Variants in SNTG1 observed in about 807,000 individuals in gnomAD.
The protein encoded by SNTG1 is gamma-1-syntrophin.
SNTG1 carries 39 observed loss-of-function variants against 74.7 expected under a neutral mutation model. The ratio of observed to expected loss-of-function variants is 0.52; its 90% CI spans 0.40 to 0.68. SNTG1 has a LOEUF of 0.68. Among genes scored for constraint, SNTG1 ranks in the 30% least tolerant of loss-of-function variants. The pLI, the probability that SNTG1 is intolerant of heterozygous loss-of-function variation, is 0.00. For missense variants in SNTG1, 685 were observed against 609.5 expected (o/e 1.12, Z -1.30); for synonymous variants, 254 against 217.1 (o/e 1.17, Z -1.49).
chr8:50,200,778 C>A (rs2083957363), intron 2 of SNTG1, among the ~76,000 whole-genome samples: 1 of 151,978 alleles, frequency 6.6e-6, no homozygotes. Flanking sequence ...ATGATCCATG[C>A]AATATTTATA....
intron 1 of SNTG1, among the ~76,000 whole-genome samples, chr8:50,116,939 A>G (rs1304797667): frequency 2.0e-5 from 3 of 152,160 alleles, no homozygotes; most frequent in Non-Finnish European, 4.4e-5. Flanking sequence ...TTAAGTGGAA[A>G]ACTTTATATT....
At chr8:50,090,380 C>A (rs1251826470) in intron 1 of SNTG1, among the ~76,000 whole-genome samples, 1 of 152,110 alleles carries the variant, frequency 6.6e-6, no homozygotes, top group African/African-American at 2.4e-5. Flanking sequence ...CACTTTGTTT[C>A]TCTTCTCTTT....
chr8:49,924,747 T>C (rs1246343033), intron 1 of SNTG1, among the ~76,000 whole-genome samples: 1 of 151,818 alleles, frequency 6.6e-6, no homozygotes, highest in Non-Finnish European at 1.5e-5. Flanking sequence ...GTAACCATAG[T>C]TCAGGGCAAA....
chr8:50,079,063 G>A (rs1236316466), intron 1 of SNTG1, among the ~76,000 whole-genome samples: 1 of 152,000 alleles, frequency 6.6e-6, no homozygotes, highest in African/African-American at 2.4e-5. Flanking sequence ...TAATCCTTTG[G>A]GTATACACCC....
chr8:50,125,227 T>G (rs901573877), intron 1 of SNTG1, among the ~76,000 whole-genome samples: 2 of 142,442 alleles, frequency 1.4e-5, no homozygotes, highest in African/African-American at 5.1e-5. Flanking sequence ...CAATGGCTCC[T>G]CTAAATGTGA....
chr8:50,510,522 T>C (rs897552048), intron 9 of SNTG1, among the ~76,000 whole-genome samples: 2 of 152,226 alleles, frequency 1.3e-5, no homozygotes, highest in African/African-American at 4.8e-5. Flanking sequence ...CTGGTAGAAT[T>C]CAACTGTGAA....
intron 2 of SNTG1, among the ~76,000 whole-genome samples, chr8:50,176,392 G>A (rs751296176): frequency 1.3e-5 from 2 of 152,120 alleles, no homozygotes; most frequent in Non-Finnish European, 2.9e-5. Context: ...ATGACAAATT[G>A]ATCAAATGCA....
chr8:50,638,950 T>C (rs778698849), intron 13 of SNTG1, among the ~76,000 whole-genome samples: 3 of 152,124 alleles, frequency 2.0e-5, no homozygotes, highest in Non-Finnish European at 4.4e-5. Flanking sequence ...TTTACAATGG[T>C]TAGCAAATAA....
At chr8:49,970,438 C>A (rs911375094) in intron 1 of SNTG1, among the ~76,000 whole-genome samples, 1 of 152,156 alleles carries the variant, frequency 6.6e-6, no homozygotes, top group African/African-American at 2.4e-5. Context: ...CATTTAGTGA[C>A]CCTGTCTGAT....
chr8:50,759,315 G>A (rs551726691), intron 18 of SNTG1, among the ~76,000 whole-genome samples: 186 of 151,890 alleles, frequency 1.2e-3, no homozygotes, highest in Non-Finnish European at 2.1e-3. Context: ...TTAGTTTAAC[G>A]AGATCTCGTT....
chr8:50,372,004 T>G (rs1370730396), intron 2 of SNTG1, among the ~76,000 whole-genome samples: 2 of 152,212 alleles, frequency 1.3e-5, no homozygotes, highest in African/African-American at 4.8e-5. Context: ...TTAGGGAGTT[T>G]AATCCACTTA....
chr8:50,235,653 T>C (rs1324104375), intron 2 of SNTG1, among the ~76,000 whole-genome samples: 1 of 152,166 alleles, frequency 6.6e-6, no homozygotes, highest in Non-Finnish European at 1.5e-5. Context: ...GGGGAATGTG[T>C]TGGCTAGTGG....
chr8:50,333,726 CAACGTTGTTTCCA>C (rs1400585672), intron 2 of SNTG1, among the ~76,000 whole-genome samples: 1 of 152,150 alleles, frequency 6.6e-6, no homozygotes, highest in African/African-American at 2.4e-5. Flanking sequence ...TTTATGAGGC[CAACGTTGTTTCCA>C]AACATTTCTT....
chr8:49,983,928 A>G lies in SNTG1; in HGVS notation c.-103+71697A>G, dbSNP rs543071529. ...ACTGTTATCCTGTGGCCTTGGTAGG[A>G]TTTAACTTTCATGGATGTGCCAGTT... On this transcript the variant is annotated intron_variant, in intron 1 of 18. Coordinates refer to ENST00000642720, the MANE Select transcript of SNTG1 (RefSeq NM_018967.5). Among the ~76,000 whole-genome samples the G allele has an allele frequency of 1.5e-4, 23 of 152,256 alleles. No homozygotes were observed. The South Asian group carries it at 4.6e-3, about 30-fold the overall frequency.
intron 2 of SNTG1, among the ~76,000 whole-genome samples, chr8:50,338,507 T>G (rs2091222966): frequency 6.6e-6 from 1 of 152,306 alleles, no homozygotes; most frequent in East Asian, 1.9e-4. Context: ...TATATTATGC[T>G]AAGAAGTATA....
intron 1 of SNTG1, among the ~76,000 whole-genome samples, chr8:50,169,477 T>C (rs1373376265): frequency 1.3e-5 from 2 of 152,110 alleles, no homozygotes; most frequent in African/African-American, 4.8e-5. Flanking sequence ...GAAAAATGTA[T>C]AAAGACCTAG....
In SNTG1 at chr8:50,678,165, A is replaced by AT. The variant is rs60870230; in HGVS notation, c.1038+19512dup. Among the ~76,000 whole-genome samples the AT allele has an allele frequency of 8.0e-4, 119 of 148,972 alleles. 1 individual carries two copies. In the East Asian group the frequency reaches 9.8e-3, roughly 12 times the overall value. On this transcript the variant is annotated intron_variant, in intron 15 of 18. Transcript: ENST00000642720. Reference sequence around the variant, plus strand: ...TAATAGTGTTCTTGCTATTTGTGCTATTTTTTTTTTAGAATAATATCAAAA... The same window carrying AT: ...TAATAGTGTTCTTGCTATTTGTGCTATTTTTTTTTTTAGAATAATATCAAAA...
chr8:50,470,881 G>A (rs924520039), intron 8 of SNTG1, among the ~76,000 whole-genome samples: 1 of 152,078 alleles, frequency 6.6e-6, no homozygotes, highest in Non-Finnish European at 1.5e-5. Context: ...CCCTTATTTG[G>A]CCCCACCCAC....
intron 13 of SNTG1, among the ~76,000 whole-genome samples, chr8:50,609,445 T>G (rs2094835138): frequency 1.3e-5 from 2 of 152,110 alleles, no homozygotes; most frequent in African/African-American, 4.8e-5. Flanking sequence ...TGATAAATGT[T>G]TTTTTGCTTT....
Sources: allele counts gnomAD v4.1 joint callset (sites outside exome capture counted in the v4.1 genomes callset), GRCh38; gene constraint gnomAD v4.1.1; transcripts MANE v1.5; gene names NCBI Gene and HGNC (gene_info 2026-07-23, HGNC 2026-07-21).